The following SCAND3 variants were observed in gnomAD, a reference collection of about 807,000 sequenced individuals.
The protein encoded by SCAND3 is SCAN domain-containing protein 3.
At chr6:28,573,860 T>C in the SCAND3 span, 1 of 1,492,576 alleles carries the variant, frequency 6.7e-7, no homozygotes, top group Non-Finnish European at 8.8e-7. Flanking sequence ...ATAATATGAA[T>C]TTTACTTTCC....
the SCAND3 span, chr6:28,590,624 A>G: frequency 4.6e-4 from 70 of 152,212 alleles, 1 homozygote; most frequent in Admixed American, 4.5e-3. Context: ...GATGTAAGAG[A>G]CAACCTTTAA....
At chr6:28,612,017 T>C in the SCAND3 span, among the ~76,000 whole-genome samples, 36 of 151,994 alleles carry the variant, frequency 2.4e-4, no homozygotes, top group African/African-American at 7.0e-4. Flanking sequence ...ATTTCACTTC[T>C]GTGGGGTTTT....
At chr6:28,583,300 T>C in the SCAND3 span, among the ~76,000 whole-genome samples, 1 of 152,076 alleles carries the variant, frequency 6.6e-6, no homozygotes, top group African/African-American at 2.4e-5. Flanking sequence ...GGAGAATGAC[T>C]GAACCCCGGA....
At chr6:28,574,844 C>T in the SCAND3 span, 3 of 1,614,022 alleles carry the variant, frequency 1.9e-6, no homozygotes, top group Non-Finnish European at 2.5e-6. Context: ...TGGATATTTC[C>T]ATCACATGAT....
chr6:28,576,220 T>G, the SCAND3 span: 1 of 1,087,776 alleles, frequency 9.2e-7, no homozygotes, highest in East Asian at 2.5e-5. Flanking sequence ...CAGTAGTGCT[T>G]GAGGTAGAAG....
the SCAND3 span, among the ~76,000 whole-genome samples, chr6:28,592,364 G>A: frequency 2.4e-4 from 36 of 151,530 alleles, no homozygotes; most frequent in Non-Finnish European, 3.4e-4. This position sits in a 1 kb window ranked among gnomAD's most constrained non-coding sequence, Gnocchi z 4.1. Flanking sequence ...AAAATACTTG[G>A]GTATAAATTT....
At chr6:28,576,980 AT>A in the SCAND3 span, among the ~76,000 whole-genome samples, 49 of 151,784 alleles carry the variant, frequency 3.2e-4, no homozygotes, top group African/African-American at 1.1e-3. Context: ...CACACTACAC[AT>A]TTTCTCTTTT....
chr6:28,613,993 C>T, the SCAND3 span, among the ~76,000 whole-genome samples: 1 of 149,674 alleles, frequency 6.7e-6, no homozygotes, highest in African/African-American at 2.5e-5. Flanking sequence ...GATGGAGTTT[C>T]GCTCTTGTTG....
At chr6:28,593,755 GAGTGA>G in the SCAND3 span, 1 of 152,242 alleles carries the variant, frequency 6.6e-6, no homozygotes, top group Non-Finnish European at 1.5e-5. Flanking sequence ...GCCCAGGCTG[GAGTGA>G]AGTGGCAAGA....
chr6:28,589,852 G>GTTTTTTTTTTTTTT, the SCAND3 span: 1 of 117,668 alleles, frequency 8.5e-6, no homozygotes, highest in African/African-American at 3.2e-5. Flanking sequence ...TTGTTTTTTT[G>GTTTTTTTTTTTTTT]TTTGTTTTTT....
the SCAND3 span, chr6:28,573,121 T>C: frequency 1.9e-6 from 3 of 1,610,930 alleles, no homozygotes; most frequent in South Asian, 2.2e-5. Flanking sequence ...ATCATCATCA[T>C]GTTCAAACCT....
the SCAND3 span, among the ~76,000 whole-genome samples, chr6:28,583,208 C>G: frequency 6.6e-6 from 1 of 151,866 alleles, no homozygotes; most frequent in Non-Finnish European, 1.5e-5. Flanking sequence ...CTGGTTAACA[C>G]GGTGAAACCT....
At chr6:28,572,485 C>T in the SCAND3 span, 1 of 1,613,314 alleles carries the variant, frequency 6.2e-7, no homozygotes, top group Non-Finnish European at 8.5e-7. The surrounding 1 kb of genome is among the most constrained non-coding windows in gnomAD (Gnocchi z 4.1). Context: ...CTGTTTTTGT[C>T]CTTCAACTTT....
chr6:28,602,956 ATTT>A, the SCAND3 span, among the ~76,000 whole-genome samples: 4 of 94,446 alleles, frequency 4.2e-5, no homozygotes, highest in Admixed American at 1.3e-4. Flanking sequence ...CCAAAAAAAA[ATTT>A]TTTTTTTTTT....
chr6:28,571,535 ACTGACCTTGTCTATTTCAAAGAAACCAT>A, the SCAND3 span: 1 of 193,916 alleles, frequency 5.2e-6, no homozygotes, highest in African/African-American at 2.4e-5. Flanking sequence ...ACTTCCTTTC[ACTGACCTTGTCTATTTCAAAGAAACCAT>A]CTCCCATCCT....
the SCAND3 span, chr6:28,589,120 A>G: frequency 6.6e-6 from 1 of 152,142 alleles, no homozygotes; most frequent in East Asian, 1.9e-4. Flanking sequence ...TAAATTGTTA[A>G]GTTTCAGACC....
chr6:28,600,833 T>A, the SCAND3 span, among the ~76,000 whole-genome samples: 147 of 152,100 alleles, frequency 9.7e-4, no homozygotes, highest in Admixed American at 2.4e-3. Context: ...ATTAAAATTA[T>A]GGTTTTGTTT....
chr6:28,572,592 TG>T, the SCAND3 span: 1 of 1,614,100 alleles, frequency 6.2e-7, no homozygotes, highest in Non-Finnish European at 8.5e-7. This position sits in a 1 kb window ranked among gnomAD's most constrained non-coding sequence, Gnocchi z 4.1. Flanking sequence ...CAAGTCTGGC[TG>T]TCCAATTCAC....
chr6:28,579,274 T>C, the SCAND3 span: 1 of 1,612,670 alleles, frequency 6.2e-7, no homozygotes. This position sits in a 1 kb window ranked among gnomAD's most constrained non-coding sequence, Gnocchi z 4.5. Flanking sequence ...ATTCTCACCA[T>C]TATCTTGAAG....
Sources: allele counts gnomAD v4.1 joint callset (sites outside exome capture counted in the v4.1 genomes callset), GRCh38; gene constraint gnomAD v4.1.1; non-coding constraint Gnocchi (gnomAD v3.1); transcripts MANE v1.5; gene names NCBI Gene and HGNC (gene_info 2026-07-23, HGNC 2026-07-21).